SRPK1: variants seen among roughly 807,000 people sequenced by gnomAD.
The protein encoded by SRPK1 is SRSF protein kinase 1.
Under a neutral mutation model 89.5 loss-of-function variants are expected in SRPK1, and 52 were observed. That is an observed-to-expected ratio of 0.58 (90% CI 0.46 to 0.73). The LOEUF is 0.73. SRPK1 is among the 30% of genes least tolerant of loss of function. The pLI is 0.00. For missense variants in SRPK1, 603 were observed against 780.6 expected (o/e 0.77, Z 2.71); for synonymous variants, 255 against 270.2 (o/e 0.94, Z 0.55).
intron 6 of SRPK1, among the ~76,000 whole-genome samples, chr6:35,881,545 A>G (rs1179847088): frequency 4.6e-5 from 7 of 152,182 alleles, no homozygotes; most frequent in African/African-American, 1.4e-4. Context: ...GATTAAAGTG[A>G]AAGGCTGAAG....
intron 2 of SRPK1, among the ~76,000 whole-genome samples, chr6:35,915,091 C>A: frequency 6.6e-6 from 1 of 152,110 alleles, no homozygotes; most frequent in East Asian, 1.9e-4. Flanking sequence ...CCACTGTGCC[C>A]GGCCAAACCT....
chr6:35,913,524 C>A (rs1771017612), intron 2 of SRPK1, among the ~76,000 whole-genome samples: 2 of 151,920 alleles, frequency 1.3e-5, no homozygotes, highest in African/African-American at 2.4e-5. Context: ...GGAGGCCAGG[C>A]ACAGTGGCTC....
intron 10 of SRPK1, 107 bp from the exon 11 acceptor site, chr6:35,870,008 C>T (rs1769996139): frequency 1.6e-6 from 2 of 1,274,060 alleles, no homozygotes; most frequent in Admixed American, 2.5e-5. Context: ...TACTGAGTGA[C>T]ATAAAAACAT....
At position 35,869,673 on chromosome 6, in the gene SRPK1, G is replaced by T; in HGVS notation, c.1220C>A (p.Thr407Lys). 1 of 1,613,992 alleles carries T rather than the reference G, an allele frequency of 6.2e-7. No homozygotes were observed. The change falls in exon 11 of 16, where the codon ACA (threonine) becomes AAA (lysine). Residue 407 changes from threonine (T) to lysine (K), a missense_variant. By Grantham distance (78) the Thr-to-Lys change is moderately conservative. Coordinates refer to ENST00000373825, the MANE Select transcript of SRPK1 (RefSeq NM_003137.5). ...TGTACAAGAGTCTGTTTCTTGAGATGTGCTGCTGTCTCCATTTTGGGAGCT... is the reference window on the plus strand; with the variant it reads ...TGTACAAGAGTCTGTTTCTTGAGATTTGCTGCTGTCTCCATTTTGGGAGCT... ...FLSSQNGDSSTSQETDSCTPI... is the reference protein window; with the variant it reads ...FLSSQNGDSSKSQETDSCTPI...
intron 2 of SRPK1, among the ~76,000 whole-genome samples, chr6:35,913,192 A>G (rs1771010338): frequency 6.6e-6 from 1 of 152,130 alleles, no homozygotes; most frequent in African/African-American, 2.4e-5. Context: ...CCTGGGATGC[A>G]CTGTAGTAGA....
At chr6:35,837,169 G>GT (rs1216743383) in intron 15 of SRPK1, among the ~76,000 whole-genome samples, 5 of 151,802 alleles carry the variant, frequency 3.3e-5, no homozygotes, top group Non-Finnish European at 5.9e-5. Flanking sequence ...TGTTTTTGTG[G>GT]TTTTTTTTGT....
Position 35,833,742 on chromosome 6 carries a change from A to G in SRPK1, c.*1562T>C, listed in dbSNP as rs1769113124. Reference sequence around the variant, plus strand: ...TTTCCTTTGTCACTGTGGTGGATAAATGACAAAGTAGATTCCAATCTCCTG... The same window carrying G: ...TTTCCTTTGTCACTGTGGTGGATAAGTGACAAAGTAGATTCCAATCTCCTG... On this transcript the variant is annotated 3_prime_UTR_variant, in exon 16 of 16. Coordinates refer to ENST00000373825, the MANE Select transcript of SRPK1 (RefSeq NM_003137.5). 6.6e-6 allele frequency: 1 copy of G among 152,642 alleles called. No homozygotes were observed. The highest frequency in any genetic ancestry group is 6.5e-5 in the Admixed American group (1 of 15,278). The allele number at this position is 152,642 out of a possible 1,614,324, so 9.5% of individuals were successfully genotyped here.
intron 1 of SRPK1, 44 bp from the exon 2 acceptor site, chr6:35,920,572 G>C (rs1212518020): frequency 6.3e-7 from 1 of 1,598,958 alleles, no homozygotes; most frequent in African/African-American, 1.3e-5. Context: ...TGGAGGAAAG[G>C]AGGCGACCAA....
intron 2 of SRPK1, among the ~76,000 whole-genome samples, chr6:35,897,663 C>T (rs559621010): frequency 6.6e-6 from 1 of 152,126 alleles, no homozygotes; most frequent in Non-Finnish European, 1.5e-5. Context: ...CAGGCGTGCA[C>T]CACCATGCCT....
At chr6:35,880,746 A>AAAAAAAAAAAAAAAAAAAAAG (rs1770263877) in intron 6 of SRPK1, among the ~76,000 whole-genome samples, 1 of 89,202 alleles carries the variant, frequency 1.1e-5, no homozygotes, top group Non-Finnish European at 2.2e-5. Flanking sequence ...AAAAAAAAAA[A>AAAAAAAAAAAAAAAAAAAAAG]AAAAGAAAAG....
Position 35,870,286 on chromosome 6 carries a change from T to C in SRPK1, c.986A>G (p.Lys329Arg), listed in dbSNP as rs1428034755. ...TCGTGATGTTCTATTTATACCAAGT[T>C]TTTCTTGGGTCATTTTATTAGGTGG... is the stretch of plus-strand genomic sequence containing the variant. Reference protein sequence around the residue: ...ENPPNKMTQEKLEESSTIGQD... With the variant: ...ENPPNKMTQERLEESSTIGQD... The change falls in exon 10 of 16, where the codon AAA becomes AGA. Residue 329 changes from lysine (K) to arginine (R), a missense_variant. Physicochemically the swap from Lys to Arg is conservative, Grantham distance 26. Coordinates refer to ENST00000373825, the MANE Select transcript of SRPK1 (RefSeq NM_003137.5). 1 of 1,611,114 alleles carries C rather than the reference T, an allele frequency of 6.2e-7. No individual in the cohort carries two copies. The highest frequency in any genetic ancestry group is 1.7e-5 in the Admixed American group (1 of 59,440).
At chr6:35,835,831 CAG>C (rs947472661) in intron 15 of SRPK1, among the ~76,000 whole-genome samples, 1 of 152,062 alleles carries the variant, frequency 6.6e-6, no homozygotes. Flanking sequence ...ATATGGTGTG[CAG>C]AGACACTCTA....
intron 13 of SRPK1, among the ~76,000 whole-genome samples, chr6:35,851,679 T>A (rs1347056158): frequency 1.3e-5 from 2 of 152,172 alleles, no homozygotes. Flanking sequence ...ACATTTGAGA[T>A]ATTTATCAGA....
At chr6:35,911,596 C>A in intron 2 of SRPK1, among the ~76,000 whole-genome samples, 1 of 151,370 alleles carries the variant, frequency 6.6e-6, no homozygotes, top group Non-Finnish European at 1.5e-5. Context: ...AAATAAGTTT[C>A]TTTCTTTTTT....
Position 35,883,325 on chromosome 6 carries a change from G to T in SRPK1, c.478+3399C>A, listed in dbSNP as rs191007250. Reference sequence around the variant, plus strand: ...AATCGCTTGAACCTGGGAGGCGGAGGTTGCAGTGAGCCGAGATTGCGCCAT... The same window carrying T: ...AATCGCTTGAACCTGGGAGGCGGAGTTTGCAGTGAGCCGAGATTGCGCCAT... On this transcript the variant is annotated intron_variant, in intron 6 of 15. Transcript: ENST00000373825. Among the ~76,000 whole-genome samples the T allele has an allele frequency of 6.8e-3, 1,036 of 152,158 alleles. 13 individuals carry two copies. Among genetic ancestry groups the T allele is most frequent in the African/African-American group, 0.024 (1,002 of 41,534 alleles).
At chr6:35,881,458 TATAG>T (rs1487120157) in intron 6 of SRPK1, among the ~76,000 whole-genome samples, 2 of 151,618 alleles carry the variant, frequency 1.3e-5, no homozygotes, top group Admixed American at 6.6e-5. Flanking sequence ...TAGATATAGA[TATAG>T]ATATAGATAT....
chr6:35,908,584 C>T (rs368426480), intron 2 of SRPK1, among the ~76,000 whole-genome samples: 1 of 152,090 alleles, frequency 6.6e-6, no homozygotes, highest in Admixed American at 6.5e-5. Context: ...TTTATGCATT[C>T]AGAAAGAAAT....
chr6:35,895,956 C>T (rs1245954304), intron 2 of SRPK1, among the ~76,000 whole-genome samples: 1 of 152,202 alleles, frequency 6.6e-6, no homozygotes, highest in Non-Finnish European at 1.5e-5. Flanking sequence ...GGCATGGAAG[C>T]TCTGCATTCC....
intron 13 of SRPK1, among the ~76,000 whole-genome samples, chr6:35,849,300 T>C (rs964454328): frequency 6.6e-6 from 1 of 152,298 alleles, no homozygotes; most frequent in Non-Finnish European, 1.5e-5. Context: ...TATCATTTCA[T>C]ATCTGTCAGA....
Sources: allele counts gnomAD v4.1 joint callset (sites outside exome capture counted in the v4.1 genomes callset), GRCh38; gene constraint gnomAD v4.1.1; transcripts MANE v1.5; gene names NCBI Gene and HGNC (gene_info 2026-07-23, HGNC 2026-07-21).